Variants in GFRA2 observed in about 807,000 individuals in gnomAD.
GFRA2 encodes GDNF family receptor alpha-2.
A neutral mutation model predicts 48.3 loss-of-function variants in GFRA2; 17 were observed. The observed-to-expected ratio is 0.35, with a 90% CI of 0.24 to 0.53. The LOEUF (loss-of-function observed/expected upper bound fraction) is 0.53. Ranked by LOEUF, GFRA2 falls within the 20% of genes least tolerant of loss-of-function variation. GFRA2 has a pLI of 0.93. For missense variants in GFRA2, 660 were observed against 637.3 expected (o/e 1.04, Z -0.38); for synonymous variants, 305 against 257.2 (o/e 1.19, Z -1.78).
In GFRA2 at chr8:21,730,250, C is replaced by A. The variant is rs538579122; in HGVS notation, c.794+20338G>T. Among the ~76,000 whole-genome samples, 704 of 152,058 alleles carry A rather than the reference C, an allele frequency of 4.6e-3. 4 individuals carry two copies. Among genetic ancestry groups the A allele is most frequent in the African/African-American group, 0.016 (658 of 41,484 alleles). On this transcript the variant is annotated intron_variant, in intron 4 of 8. Transcript: ENST00000524240. ...TAAAACCCCATCTCTACTAAAAATA[C>A]GAAATAAGCCAGGCATGGTGGTGCA...
Position 21,694,480 on chromosome 8 carries a change from C to A in GFRA2, c.1256G>T (p.Ser419Ile), listed in dbSNP as rs775111480. Reference sequence around the variant, plus strand: ...CCAACTCACCTCTGTGAAGCACATGCTTAACTCTTTGGAGTTGTTGGCCTT... The same window carrying A: ...CCAACTCACCTCTGTGAAGCACATGATTAACTCTTTGGAGTTGTTGGCCTT... ...GLKANNSKEL[S>I]MCFTELTTNI... is the part of the protein sequence containing the mutation. Residue 419 changes from serine to isoleucine, a missense_variant, in exon 8 of 9, where the codon AGC (serine) becomes ATC (isoleucine). Transcript: ENST00000524240. 8.1e-6 allele frequency: 13 copies of A among 1,612,472 alleles called. No individual in the cohort carries two copies. The South Asian group carries it at 1.4e-4, about 18-fold the overall frequency.
intron 4 of GFRA2, among the ~76,000 whole-genome samples, chr8:21,746,355 G>A (rs568289071): frequency 2.6e-5 from 4 of 152,218 alleles, no homozygotes; most frequent in East Asian, 3.9e-4. Context: ...TGCAGGTTCC[G>A]CCCTCATTCC....
At chr8:21,797,968 C>T (rs2117109878) in intron 2 of GFRA2, among the ~76,000 whole-genome samples, 1 of 152,306 alleles carries the variant, frequency 6.6e-6, no homozygotes, top group African/African-American at 2.4e-5. Context: ...CAACGAGCAG[C>T]TACAGTTCCC....
At chr8:21,764,841 C>G (rs1181324097) in intron 3 of GFRA2, among the ~76,000 whole-genome samples, 1 of 152,180 alleles carries the variant, frequency 6.6e-6, no homozygotes, top group African/African-American at 2.4e-5. Context: ...ACCCAGCCCC[C>G]TATTTCACTA....
upstream of GFRA2, among the ~76,000 whole-genome samples, chr8:21,789,909 G>A (rs1185147167): frequency 1.3e-5 from 2 of 152,132 alleles, no homozygotes; most frequent in African/African-American, 2.4e-5. Context: ...CCCGGCAGGA[G>A]GGCCCCGAGA....
chr8:21,727,682 T>C (rs1585261717), intron 4 of GFRA2, among the ~76,000 whole-genome samples: 1 of 151,996 alleles, frequency 6.6e-6, no homozygotes, highest in South Asian at 2.1e-4. Context: ...ACGCTACTGC[T>C]CCTCGTCTGC....
intron 2 of GFRA2, chr8:21,780,840 G>T (rs1349509563): frequency 3.3e-5 from 5 of 152,232 alleles, no homozygotes; most frequent in Admixed American, 6.5e-5. Flanking sequence ...GCTCTCAGAG[G>T]GCCGGGGGCA....
chr8:21,788,103 C>A lies in GFRA2; in HGVS notation c.40+17G>T. 1.3e-6 allele frequency: 2 copies of A among 1,495,536 alleles called. No individual in the cohort carries two copies. The highest frequency in any genetic ancestry group is 2.6e-5 in the East Asian group (1 of 37,848). The allele number at this position is 1,495,536 out of a possible 1,614,324, so 92.6% of individuals were successfully genotyped here. A position where few individuals can be genotyped will look rare whatever the true frequency, so the allele number is the denominator to read the frequency against. On this transcript the variant is annotated intron_variant, in intron 1 of 8. Coordinates refer to ENST00000524240, the MANE Select transcript of GFRA2 (RefSeq NM_001495.5). ...CTTCTCGCCTCCCCCTCGAGCTCGCCGCCCGCAGGTACTCACCTAGAAAGA... is the reference window on the plus strand; with the variant it reads ...CTTCTCGCCTCCCCCTCGAGCTCGCAGCCCGCAGGTACTCACCTAGAAAGA...
intron 3 of GFRA2, among the ~76,000 whole-genome samples, chr8:21,751,623 C>A (rs1301936814): frequency 6.6e-6 from 1 of 152,234 alleles, no homozygotes; most frequent in East Asian, 1.9e-4. Context: ...ACCCACCCTA[C>A]AAATGCTTTC....
intron 3 of GFRA2, among the ~76,000 whole-genome samples, chr8:21,773,231 G>A (rs1293845528): frequency 6.6e-6 from 1 of 152,236 alleles, no homozygotes; most frequent in Non-Finnish European, 1.5e-5. Flanking sequence ...GGTGCCCACA[G>A]GCAGTGCCAG....
chr8:21,760,615 G>A (rs73669550), intron 3 of GFRA2, among the ~76,000 whole-genome samples: 196 of 152,290 alleles, frequency 1.3e-3, no homozygotes, highest in African/African-American at 4.6e-3. Context: ...ATTAGATGTC[G>A]AAGCAGGGAT....
In GFRA2 at chr8:21,788,184, T is replaced by G. The variant is rs1807380813; in HGVS notation, c.-25A>C. The G allele has an allele frequency of 6.2e-7, 1 of 1,601,142 alleles. No homozygotes were observed. The highest frequency in any genetic ancestry group is 1.7e-5 in the Admixed American group (1 of 58,600). The stretch of plus-strand genomic sequence containing the variant: ...TGTTAAATAAATCCCACCGTTTTTT[T>G]GTCTTTCTCCCTTGGGTAAAAAAAA... On this transcript the variant is annotated 5_prime_UTR_variant, in exon 1 of 9. Coordinates refer to ENST00000524240, the MANE Select transcript of GFRA2 (RefSeq NM_001495.5).
intron 4 of GFRA2, among the ~76,000 whole-genome samples, chr8:21,724,266 C>A (rs936341933): frequency 6.6e-6 from 1 of 152,066 alleles, no homozygotes; most frequent in African/African-American, 2.4e-5. Flanking sequence ...CATCTCGTTG[C>A]CCCTTGGCCT....
At chr8:21,787,302 G>T (rs1807331558) in intron 1 of GFRA2, among the ~76,000 whole-genome samples, 1 of 151,478 alleles carries the variant, frequency 6.6e-6, no homozygotes, top group East Asian at 1.9e-4. Flanking sequence ...AGGAGCAGTG[G>T]TCTTTGTTCA....
chr8:21,767,750 T>C (rs1264821697), intron 3 of GFRA2, among the ~76,000 whole-genome samples: 3 of 152,216 alleles, frequency 2.0e-5, no homozygotes, highest in African/African-American at 7.2e-5. Context: ...AAAATCTCAC[T>C]TCAACCACAG....
At chr8:21,726,714 G>A (rs1803887946) in intron 4 of GFRA2, among the ~76,000 whole-genome samples, 1 of 151,420 alleles carries the variant, frequency 6.6e-6, no homozygotes, top group Admixed American at 6.6e-5. Context: ...CCCTAATGTG[G>A]TATGATCTTA....
intron 1 of GFRA2, chr8:21,784,370 T>C: frequency 2.2e-6 from 1 of 456,084 alleles, no homozygotes; most frequent in Non-Finnish European, 4.4e-6. Context: ...GGAGGCTTCC[T>C]CGACTCCATC....
At chr8:21,725,883 G>C (rs949015099) in intron 4 of GFRA2, among the ~76,000 whole-genome samples, 1 of 152,210 alleles carries the variant, frequency 6.6e-6, no homozygotes, top group Non-Finnish European at 1.5e-5. Flanking sequence ...GTGTGGTAAT[G>C]GCAGCAGAAT....
chr8:21,713,105 A>G (rs1803155777), intron 4 of GFRA2, among the ~76,000 whole-genome samples: 1 of 152,194 alleles, frequency 6.6e-6, no homozygotes, highest in African/African-American at 2.4e-5. Flanking sequence ...AGGGAGAGCC[A>G]GTTTTTCTTT....
Sources: allele counts gnomAD v4.1 joint callset (sites outside exome capture counted in the v4.1 genomes callset), GRCh38; gene constraint gnomAD v4.1.1; transcripts MANE v1.5; gene names NCBI Gene and HGNC (gene_info 2026-07-23, HGNC 2026-07-21).